The following ARCN1 variants were observed in gnomAD, a reference collection of about 807,000 sequenced individuals.
ARCN1 encodes archain 1 coat protein complex I subunit delta.
In ARCN1, 5 loss-of-function variants were observed where a neutral mutation model predicts 60.4. The observed-to-expected ratio is 0.08, with a 90% CI of 0.04 to 0.17. The LOEUF (loss-of-function observed/expected upper bound fraction) is 0.17. ARCN1 is among the 10% of genes least tolerant of loss of function. The pLI is 1.00. For missense variants in ARCN1, 464 were observed against 626.5 expected (o/e 0.74, Z 2.77); for synonymous variants, 224 against 220.0 (o/e 1.02, Z -0.16).
intron 6 of ARCN1, among the ~76,000 whole-genome samples, chr11:118,591,451 G>T (rs1381115286): frequency 6.6e-6 from 1 of 152,178 alleles, no homozygotes; most frequent in Non-Finnish European, 1.5e-5. Context: ...GAGTTCTGTG[G>T]TACGATCTTG....
chr11:118,589,311 TCTTC>T (rs1323081891), intron 5 of ARCN1, among the ~76,000 whole-genome samples: 2 of 152,210 alleles, frequency 1.3e-5, no homozygotes, highest in African/African-American at 4.8e-5. Context: ...GGTATATATG[TCTTC>T]CTTGTATAAT....
intron 5 of ARCN1, among the ~76,000 whole-genome samples, chr11:118,584,868 C>T (rs1281064656): frequency 6.6e-6 from 1 of 152,084 alleles, no homozygotes; most frequent in Non-Finnish European, 1.5e-5. Flanking sequence ...CTCTGTCACC[C>T]AGGCTGGAGT....
At chr11:118,588,034 T>C (rs1790389637) in intron 5 of ARCN1, among the ~76,000 whole-genome samples, 1 of 152,230 alleles carries the variant, frequency 6.6e-6, no homozygotes, top group Non-Finnish European at 1.5e-5. Flanking sequence ...TACGCCACCC[T>C]CCTGGAAAAT....
chr11:118,575,411 G>GGTGTGTGTGTGTGTGTGT lies in ARCN1; in HGVS notation c.3+2870_3+2887dup, dbSNP rs56934953. On this transcript the variant is annotated intron_variant, in intron 1 of 9. Transcript: ENST00000264028. The stretch of plus-strand genomic sequence containing the variant: ...AAGTTCACTGCAGAAACTGATAACG[G>GGTGTGTGTGTGTGTGTGT]GTGTGTGTGTGTGTGTGTGTGTGTG... 1.6e-3 allele frequency among the ~76,000 whole-genome samples: 241 copies of GGTGTGTGTGTGTGTGTGT among 149,184 alleles called. 2 individuals carry two copies. The highest frequency in any genetic ancestry group is 5.6e-3 in the African/African-American group (228 of 40,750).
At position 118,600,600 on chromosome 11, in the gene ARCN1, C is replaced by G. The variant is rs201647349; in HGVS notation, c.1447-25C>G. The G allele has an allele frequency of 7.1e-5, 110 of 1,557,006 alleles. 1 individual carries two copies. In the African/African-American group the frequency reaches 1.4e-3, roughly 20 times the overall value. On this transcript the variant is annotated intron_variant, in intron 9 of 9. Coordinates refer to ENST00000264028, the MANE Select transcript of ARCN1 (RefSeq NM_001655.5). ...ATGGAGACTCAAACCTCCTGCTTTACCTTACTCTTTGTTTATTTTCCTAGG... is the reference window on the plus strand; with the variant it reads ...ATGGAGACTCAAACCTCCTGCTTTAGCTTACTCTTTGTTTATTTTCCTAGG...
chr11:118,572,686 A>G, intron 1 of ARCN1, 136 bp downstream of exon 1: 1 of 1,138,578 alleles, frequency 8.8e-7, no homozygotes. Flanking sequence ...GGGCTCGGGG[A>G]GCAGTGTGGC....
At chr11:118,575,409 C>CGG (rs1555073323) in intron 1 of ARCN1, among the ~76,000 whole-genome samples, 2 of 130,800 alleles carry the variant, frequency 1.5e-5, no homozygotes, top group Non-Finnish European at 3.2e-5. Context: ...AAACTGATAA[C>CGG]GGGTGTGTGT....
intron 5 of ARCN1, among the ~76,000 whole-genome samples, chr11:118,588,879 G>A (rs140081513): frequency 1.6e-4 from 25 of 152,180 alleles, no homozygotes; most frequent in Non-Finnish European, 2.9e-4. Flanking sequence ...TGAACCGGGC[G>A]TGGTGGCAGG....
chr11:118,595,550 CA>C (rs1939007138), intron 8 of ARCN1, among the ~76,000 whole-genome samples: 1 of 152,112 alleles, frequency 6.6e-6, no homozygotes, highest in African/African-American at 2.4e-5. Flanking sequence ...TTTTGTTGTA[CA>C]CTTAAATGGC....
intron 3 of ARCN1, 71 bp downstream of exon 3, chr11:118,583,429 T>C: frequency 6.9e-7 from 1 of 1,455,270 alleles, no homozygotes; most frequent in South Asian, 1.4e-5. Flanking sequence ...CTCATTTTCC[T>C]ATTTTTACTT....
chr11:118,594,719 T>C (rs1938987800), intron 8 of ARCN1, among the ~76,000 whole-genome samples: 1 of 151,860 alleles, frequency 6.6e-6, no homozygotes, highest in South Asian at 2.1e-4. Flanking sequence ...CCAGATAATT[T>C]TTGTATTATT....
At chr11:118,586,174 C>T (rs996893989) in intron 5 of ARCN1, among the ~76,000 whole-genome samples, 1 of 152,132 alleles carries the variant, frequency 6.6e-6, no homozygotes, top group African/African-American at 2.4e-5. Context: ...CACGATCTTG[C>T]AACCTCCACC....
chr11:118,572,744 A>G lies in ARCN1; in HGVS notation c.3+194A>G, dbSNP rs1396230939. 33 of 560,222 alleles carry G rather than the reference A, an allele frequency of 5.9e-5. No homozygotes were observed. The East Asian group carries it at 9.5e-4, about 16-fold the overall frequency. The allele number at this position is 560,222 out of a possible 1,614,324, so 34.7% of individuals were successfully genotyped here. The stretch of plus-strand genomic sequence containing the variant: ...GATCCGATGGAGCTGACTCCAGTCC[A>G]TCTGTCGTCGTGCCCGCTTCCGCAC... On this transcript the variant is annotated intron_variant, in intron 1 of 9. Coordinates refer to ENST00000264028, the MANE Select transcript of ARCN1 (RefSeq NM_001655.5).
rs977898561 is a variant in ARCN1 at position 118,601,800 on chromosome 11, C to T, written c.*1086C>T. 1 of 693,674 alleles carries T rather than the reference C, an allele frequency of 1.4e-6. No individual in the cohort carries two copies. The highest frequency in any genetic ancestry group is 2.6e-6 in the Non-Finnish European group (1 of 379,098). The allele number at this position is 693,674 out of a possible 1,614,324, so 43.0% of individuals were successfully genotyped here. A position where few individuals can be genotyped will look rare whatever the true frequency, so the allele number is the denominator to read the frequency against. On this transcript the variant is annotated 3_prime_UTR_variant, in exon 10 of 10. Coordinates refer to ENST00000264028, the MANE Select transcript of ARCN1 (RefSeq NM_001655.5). The stretch of plus-strand genomic sequence containing the variant: ...AAGCACCTTTCAAATGGCACAGTCC[C>T]TCTTCAAGATGTCTAAAAGAATGGT...
chr11:118,577,002 TGG>T (rs779119194), intron 1 of ARCN1, among the ~76,000 whole-genome samples: 50 of 152,136 alleles, frequency 3.3e-4, no homozygotes, highest in Non-Finnish European at 4.6e-4. Context: ...CTGGGCAACA[TGG>T]CAAAACCCTG....
At chr11:118,596,991 C>T (rs1179237949) in intron 8 of ARCN1, among the ~76,000 whole-genome samples, 2 of 152,144 alleles carry the variant, frequency 1.3e-5, no homozygotes, top group Non-Finnish European at 2.9e-5. Context: ...AAGTGGATCA[C>T]GGGGTCAGGA....
At chr11:118,589,985 TTTTTC>T (rs1208747509) in intron 5 of ARCN1, among the ~76,000 whole-genome samples, 4 of 152,126 alleles carry the variant, frequency 2.6e-5, no homozygotes, top group South Asian at 2.1e-4. Context: ...CTACCTTTCT[TTTTTC>T]TTTTCTTTTC....
At chr11:118,574,708 C>A (rs996724668) in intron 1 of ARCN1, among the ~76,000 whole-genome samples, 1 of 152,012 alleles carries the variant, frequency 6.6e-6, no homozygotes, top group African/African-American at 2.4e-5. Flanking sequence ...GAAACAAATG[C>A]TTTCTCATGA....
chr11:118,599,592 AT>A lies in ARCN1; in HGVS notation c.1447-1024del, dbSNP rs1175710704. ...AGGCGTGTACTGCCACACCCAGCTA[AT>A]TTTTTTTTGTATTTTTAGTAGAGAT... On this transcript the variant is annotated intron_variant, in intron 9 of 9. Coordinates refer to ENST00000264028, the MANE Select transcript of ARCN1 (RefSeq NM_001655.5). Among the ~76,000 whole-genome samples, 3 of 143,880 alleles carry A rather than the reference AT, an allele frequency of 2.1e-5. No homozygotes were observed. In the Admixed American group the frequency reaches 2.1e-4, roughly 10 times the overall value. The allele number at this position is 143,880 out of a possible 152,430, so 94.4% of individuals were successfully genotyped here. A position where few individuals can be genotyped will look rare whatever the true frequency, so the allele number is the denominator to read the frequency against.
Sources: gnomAD v4.1 joint callset for allele counts (sites outside exome capture counted in the v4.1 genomes callset) on GRCh38, gnomAD v4.1.1 for gene constraint, MANE v1.5 for transcripts, NCBI Gene and HGNC (gene_info 2026-07-23, HGNC 2026-07-21) for gene names.